ATRNL1: variants seen among roughly 807,000 people sequenced by gnomAD.
ATRNL1 encodes the protein attractin like 1, also known as attractin-like protein 1.
In ATRNL1, 95 loss-of-function variants were observed where a neutral mutation model predicts 182.7. That is an observed-to-expected ratio of 0.52 (90% confidence interval 0.44 to 0.62). The LOEUF is 0.62. ATRNL1 is among the 20% of genes least tolerant of loss of function. ATRNL1 has a pLI of 0.00. For synonymous variants in ATRNL1, 576 were observed against 568.3 expected (o/e 1.01, Z -0.19); for missense variants, 1,471 against 1,679.5 (o/e 0.88, Z 2.17).
At chr10:115,499,599 T>C (rs1348182502) in intron 24 of ATRNL1, among the ~76,000 whole-genome samples, 2 of 152,100 alleles carry the variant, frequency 1.3e-5, no homozygotes, top group African/African-American at 2.4e-5. Context: ...AAGATGAACA[T>C]TGATTCAGTC....
chr10:115,868,603 A>T (rs1008740709), intron 28 of ATRNL1, among the ~76,000 whole-genome samples: 1 of 152,122 alleles, frequency 6.6e-6, no homozygotes, highest in Non-Finnish European at 1.5e-5. Context: ...TTACACACAG[A>T]GACACAGAAG....
intron 26 of ATRNL1, among the ~76,000 whole-genome samples, chr10:115,720,497 A>C (rs568706872): frequency 2.0e-5 from 3 of 152,214 alleles, no homozygotes; most frequent in Non-Finnish European, 2.9e-5. Flanking sequence ...CCTTATTACA[A>C]GGAAATGATG....
intron 27 of ATRNL1, among the ~76,000 whole-genome samples, chr10:115,828,266 G>A (rs1467390487): frequency 6.6e-6 from 1 of 151,684 alleles, no homozygotes. Context: ...GCGGTGAGCC[G>A]AAATCACACC....
At chr10:115,316,066 G>T (rs1414797259) in intron 18 of ATRNL1, among the ~76,000 whole-genome samples, 1 of 152,078 alleles carries the variant, frequency 6.6e-6, no homozygotes, top group Non-Finnish European at 1.5e-5. Flanking sequence ...CAACATGGTG[G>T]TTTGCTGCTC....
chr10:115,854,005 A>G (rs1565437666), intron 28 of ATRNL1, among the ~76,000 whole-genome samples: 1 of 152,194 alleles, frequency 6.6e-6, no homozygotes, highest in Admixed American at 6.5e-5. Flanking sequence ...GAAACGTGTA[A>G]AAGTGTCTAT....
intron 27 of ATRNL1, among the ~76,000 whole-genome samples, chr10:115,830,831 T>C (rs993745899): frequency 1.3e-5 from 2 of 152,132 alleles, no homozygotes; most frequent in Admixed American, 1.3e-4. Context: ...TAAGATAACT[T>C]ATTGGCCTCT....
At chr10:115,379,613 G>T (rs1207769307) in intron 19 of ATRNL1, among the ~76,000 whole-genome samples, 2 of 152,082 alleles carry the variant, frequency 1.3e-5, no homozygotes, top group Non-Finnish European at 2.9e-5. Context: ...AATATTAAAA[G>T]ACATCATGAT....
chr10:115,372,885 G>A (rs1554948462), intron 19 of ATRNL1, among the ~76,000 whole-genome samples: 1 of 152,042 alleles, frequency 6.6e-6, no homozygotes, highest in African/African-American at 2.4e-5. Context: ...TTTTAGGGTT[G>A]TGTTTTCTGT....
intron 24 of ATRNL1, among the ~76,000 whole-genome samples, chr10:115,505,945 C>T (rs1347142572): frequency 6.6e-6 from 1 of 151,170 alleles, no homozygotes; most frequent in Non-Finnish European, 1.5e-5. Context: ...CCCAGGGTGT[C>T]CTGGTGGAAG....
rs369765634 is a variant in ATRNL1 at position 115,528,586 on chromosome 10, T to A, written c.3716+9262T>A. Among the ~76,000 whole-genome samples the A allele has an allele frequency of 2.6e-4, 40 of 152,164 alleles. 1 individual carries two copies. In the South Asian group the frequency reaches 8.1e-3, roughly 31 times the overall value. ...TTGCTCTTTTTCAAGAATCAACTTT[T>A]GGTATTGTTGATTTTCTCTATTGTT... is the stretch of plus-strand genomic sequence containing the variant. On this transcript the variant is annotated intron_variant, in intron 25 of 28. Coordinates refer to ENST00000355044, the MANE Select transcript of ATRNL1 (RefSeq NM_207303.4).
intron 5 of ATRNL1, among the ~76,000 whole-genome samples, chr10:115,157,843 G>T (rs1846596593): frequency 6.6e-6 from 1 of 152,020 alleles, no homozygotes; most frequent in Non-Finnish European, 1.5e-5. Flanking sequence ...AACTTGTTCT[G>T]CAGTATTTTG....
chr10:115,675,523 G>A (rs1333153540), intron 26 of ATRNL1, among the ~76,000 whole-genome samples: 1 of 152,064 alleles, frequency 6.6e-6, no homozygotes, highest in Non-Finnish European at 1.5e-5. Context: ...CTTGCCTTAT[G>A]TTCTTGCTTG....
intron 10 of ATRNL1, among the ~76,000 whole-genome samples, chr10:115,263,177 A>T (rs1851463202): frequency 6.6e-6 from 1 of 151,910 alleles, no homozygotes; most frequent in Non-Finnish European, 1.5e-5. Context: ...TACCACTTGT[A>T]TCTATAAATT....
At chr10:115,562,207 C>T (rs1853799782) in intron 26 of ATRNL1, among the ~76,000 whole-genome samples, 1 of 152,046 alleles carries the variant, frequency 6.6e-6, no homozygotes, top group Admixed American at 6.6e-5. Context: ...GAATGAAGTA[C>T]TGATGCATGT....
At chr10:115,370,287 G>GA (rs2134193756) in intron 19 of ATRNL1, among the ~76,000 whole-genome samples, 1 of 152,288 alleles carries the variant, frequency 6.6e-6, no homozygotes, top group African/African-American at 2.4e-5. Flanking sequence ...GGGCACTTCT[G>GA]AAAAGATACC....
intron 26 of ATRNL1, among the ~76,000 whole-genome samples, chr10:115,716,382 T>C (rs1356128882): frequency 6.6e-6 from 1 of 152,134 alleles, no homozygotes; most frequent in Non-Finnish European, 1.5e-5. Flanking sequence ...TGCCAGTGTG[T>C]GGGTCATTTA....
intron 28 of ATRNL1, among the ~76,000 whole-genome samples, chr10:115,915,769 G>A (rs781946680): frequency 2.6e-5 from 4 of 152,174 alleles, no homozygotes; most frequent in East Asian, 3.9e-4. Context: ...GAAGGATCAT[G>A]CGTTAATGTC....
At chr10:115,421,502 A>G (rs745908448) in intron 20 of ATRNL1, among the ~76,000 whole-genome samples, 8 of 152,268 alleles carry the variant, frequency 5.3e-5, no homozygotes, top group Non-Finnish European at 1.2e-4. Flanking sequence ...ACATTCCTCC[A>G]TGATAAAACC....
At chr10:115,293,314 T>C (rs1290241377) in intron 15 of ATRNL1, among the ~76,000 whole-genome samples, 1 of 152,102 alleles carries the variant, frequency 6.6e-6, no homozygotes, top group African/African-American at 2.4e-5. Flanking sequence ...CCTCAGACAG[T>C]CTATATCTCT....
Sources: gnomAD v4.1 joint callset for allele counts (sites outside exome capture counted in the v4.1 genomes callset) on GRCh38, gnomAD v4.1.1 for gene constraint, MANE v1.5 for transcripts, NCBI Gene and HGNC (gene_info 2026-07-23, HGNC 2026-07-21) for gene names.